The following RNF216 variants were observed in gnomAD, a reference collection of about 807,000 sequenced individuals.
RNF216 encodes ring finger protein 216.
RNF216 carries 72 observed loss-of-function variants against 110.8 expected under a neutral mutation model. The ratio of observed to expected loss-of-function variants is 0.65; its 90% CI spans 0.54 to 0.79. The LOEUF (loss-of-function observed/expected upper bound fraction) is 0.79. RNF216 is among the 30% of genes least tolerant of loss of function. The pLI is 0.00. For synonymous variants in RNF216, 495 were observed against 407.5 expected, an observed-to-expected ratio of 1.21 and a Z score of -2.59; for missense variants, 1,342 against 1,141.2, an observed-to-expected ratio of 1.18 and a Z score of -2.54.
chr7:5,630,986 T>C (rs1216536389), intron 15 of RNF216, among the ~76,000 whole-genome samples: 2 of 152,152 alleles, frequency 1.3e-5, no homozygotes, highest in Admixed American at 6.6e-5. Context: ...AGAACACTGC[T>C]GTCGGGCTGG....
chr7:5,694,072 G>C (rs1791487673), intron 13 of RNF216, among the ~76,000 whole-genome samples: 1 of 152,146 alleles, frequency 6.6e-6, no homozygotes, highest in Non-Finnish European at 1.5e-5. Context: ...TAAAGGTCTT[G>C]GAAAGTGCCA....
At chr7:5,781,143 T>A (rs958083338) in intron 1 of RNF216, among the ~76,000 whole-genome samples, 8 of 151,854 alleles carry the variant, frequency 5.3e-5, no homozygotes, top group Non-Finnish European at 8.8e-5. Context: ...ACGGCCCGCC[T>A]CCCGCCGCTC....
chr7:5,722,477 C>T (rs966112293), intron 8 of RNF216, among the ~76,000 whole-genome samples: 2 of 151,140 alleles, frequency 1.3e-5, no homozygotes, highest in African/African-American at 4.9e-5. Flanking sequence ...GTCAGCTCCG[C>T]CCCCCGGGGT....
chr7:5,739,658 A>T (rs751853855), intron 4 of RNF216: 1 of 489,718 alleles, frequency 2.0e-6, no homozygotes, highest in South Asian at 1.5e-5. Flanking sequence ...CAAATAAGTT[A>T]CAATCTCATG....
intron 12 of RNF216, among the ~76,000 whole-genome samples, chr7:5,712,235 T>C (rs1372963918): frequency 6.6e-6 from 1 of 152,170 alleles, no homozygotes; most frequent in Non-Finnish European, 1.5e-5. Context: ...GTCCCAGCAC[T>C]TTGGGAGGCT....
At chr7:5,734,545 AAAG>A (rs1562442666) in intron 5 of RNF216, among the ~76,000 whole-genome samples, 1 of 151,584 alleles carries the variant, frequency 6.6e-6, no homozygotes, top group African/African-American at 2.4e-5. Context: ...TATACACAAT[AAAG>A]AATATGTGGA....
chr7:5,646,323 G>A (rs114575980), intron 14 of RNF216, among the ~76,000 whole-genome samples: 2,252 of 151,748 alleles, frequency 0.015, 47 homozygotes, highest in African/African-American at 0.051. Context: ...AGCTGAGATC[G>A]CATCATTGCC....
intron 8 of RNF216, among the ~76,000 whole-genome samples, chr7:5,723,962 C>T (rs933802757): frequency 4.6e-5 from 7 of 152,128 alleles, no homozygotes; most frequent in African/African-American, 1.7e-4. Context: ...CAGGGTCCTT[C>T]AAGATTATCT....
chr7:5,758,256 T>C (rs1157249787), intron 2 of RNF216, among the ~76,000 whole-genome samples: 1 of 152,164 alleles, frequency 6.6e-6, no homozygotes, highest in Non-Finnish European at 1.5e-5. Context: ...TAACTAAGAT[T>C]TAAAATTGCC....
intron 10 of RNF216, 109 bp downstream of exon 10, chr7:5,716,607 C>G (rs1461359933): frequency 1.3e-6 from 1 of 792,196 alleles, no homozygotes; most frequent in East Asian, 2.5e-5. Flanking sequence ...ACTCACCAAA[C>G]AGGAGGTTAT....
chr7:5,671,736 C>T (rs560142042), intron 13 of RNF216, among the ~76,000 whole-genome samples: 26 of 132,436 alleles, frequency 2.0e-4, no homozygotes, highest in South Asian at 1.3e-3. Context: ...AACTGGAAGG[C>T]GGAGGTTGCA....
chr7:5,752,179 G>A (rs1027967553), intron 3 of RNF216, among the ~76,000 whole-genome samples: 5 of 151,536 alleles, frequency 3.3e-5, no homozygotes, highest in Admixed American at 6.6e-5. Context: ...GCAAAACTCC[G>A]TCTCAAAAAA....
intron 14 of RNF216, among the ~76,000 whole-genome samples, chr7:5,646,959 ATG>A (rs1788085706): frequency 6.6e-6 from 1 of 152,108 alleles, no homozygotes; most frequent in Non-Finnish European, 1.5e-5. Flanking sequence ...TTTTCTGAGC[ATG>A]TGTTGAGCCC....
chr7:5,702,814 A>G (rs3801014), intron 13 of RNF216, among the ~76,000 whole-genome samples: 1 of 152,320 alleles, frequency 6.6e-6, no homozygotes, highest in East Asian at 1.9e-4. Context: ...CCTCCTTGCT[A>G]TGACGCCAGC....
At chr7:5,776,041 A>G (rs1308829710) in intron 1 of RNF216, among the ~76,000 whole-genome samples, 1 of 152,124 alleles carries the variant, frequency 6.6e-6, no homozygotes, top group African/African-American at 2.4e-5. Flanking sequence ...CATTCTTTGG[A>G]TATCCATCCT....
chr7:5,734,310 A>C (rs1463400521), intron 5 of RNF216, among the ~76,000 whole-genome samples: 1 of 152,206 alleles, frequency 6.6e-6, no homozygotes, highest in Admixed American at 6.5e-5. Context: ...TACATGAATA[A>C]ACTTAACATA....
intron 3 of RNF216, among the ~76,000 whole-genome samples, chr7:5,743,745 T>G (rs888709358): frequency 1.3e-5 from 2 of 152,186 alleles, no homozygotes; most frequent in Non-Finnish European, 2.9e-5. Context: ...GGGAAGTCCC[T>G]AGAAGAAAGG....
intron 1 of RNF216, among the ~76,000 whole-genome samples, chr7:5,761,894 G>A (rs1317843355): frequency 6.6e-6 from 1 of 152,156 alleles, no homozygotes; most frequent in African/African-American, 2.4e-5. Flanking sequence ...GAGTAACTTG[G>A]AAAAGATATT....
At chr7:5,697,203 C>A (rs1268690204) in intron 13 of RNF216, among the ~76,000 whole-genome samples, 3 of 152,240 alleles carry the variant, frequency 2.0e-5, no homozygotes, top group African/African-American at 7.2e-5. Context: ...GCCAATAAGA[C>A]CCCACCACGG....
Sources: allele counts gnomAD v4.1 joint callset (sites outside exome capture counted in the v4.1 genomes callset), GRCh38; gene constraint gnomAD v4.1.1; transcripts MANE v1.5; gene names NCBI Gene and HGNC (gene_info 2026-07-23, HGNC 2026-07-21).